VSNL1: variants seen among roughly 807,000 people sequenced by gnomAD.
VSNL1 encodes visinin-like protein 1.
A neutral mutation model predicts 20.4 loss-of-function variants in VSNL1; 6 were observed. The ratio of observed to expected loss-of-function variants is 0.29; its 90% CI spans 0.16 to 0.58. The LOEUF (loss-of-function observed/expected upper bound fraction) is 0.58. Ranked by LOEUF, VSNL1 falls within the 20% of genes least tolerant of loss-of-function variation. The pLI is 0.90. For synonymous variants in VSNL1, 93 were observed against 86.4 expected, an observed-to-expected ratio of 1.08 and a Z score of -0.42; for missense variants, 100 against 234.5, an observed-to-expected ratio of 0.43 and a Z score of 3.75.
At chr2:17,645,685 C>T (rs1417671467) in intron 2 of VSNL1, among the ~76,000 whole-genome samples, 1 of 152,108 alleles carries the variant, frequency 6.6e-6, no homozygotes, top group South Asian at 2.1e-4. Context: ...AGAGTGGGGC[C>T]CACTGTCTGT....
chr2:17,570,376 A>G (rs1027542035), intron 1 of VSNL1, among the ~76,000 whole-genome samples: 4 of 152,226 alleles, frequency 2.6e-5, no homozygotes, highest in African/African-American at 4.8e-5. Flanking sequence ...GTGTGCTCCA[A>G]GAAACTTATA....
intron 2 of VSNL1, among the ~76,000 whole-genome samples, chr2:17,596,966 C>T (rs1254215498): frequency 6.6e-6 from 1 of 152,238 alleles, no homozygotes; most frequent in African/African-American, 2.4e-5. Context: ...ACGATCCTCT[C>T]ATTTACACTT....
At chr2:17,541,853 G>A (rs1440319513) in intron 1 of VSNL1, among the ~76,000 whole-genome samples, 1 of 152,212 alleles carries the variant, frequency 6.6e-6, no homozygotes. Context: ...TACGTGGAAG[G>A]AGCGAGGAGA....
At chr2:17,609,922 T>C (rs774378119) in intron 2 of VSNL1, among the ~76,000 whole-genome samples, 7 of 152,338 alleles carry the variant, frequency 4.6e-5, no homozygotes, top group Non-Finnish European at 8.8e-5. Context: ...TCCCCAGCCT[T>C]TATCCCCACA....
chr2:17,585,382 T>TAA (rs35397738), intron 1 of VSNL1, among the ~76,000 whole-genome samples: 173 of 141,836 alleles, frequency 1.2e-3, no homozygotes, highest in African/African-American at 1.6e-3. Flanking sequence ...GCCTTCATTA[T>TAA]AAAAAAAAAA....
chr2:17,632,280 T>G (rs550456075), intron 2 of VSNL1, among the ~76,000 whole-genome samples: 42 of 152,214 alleles, frequency 2.8e-4, no homozygotes, highest in Middle Eastern at 3.4e-3. Context: ...GTCATTGTTT[T>G]TTTTTGTTTT....
In VSNL1 at chr2:17,584,214, C is replaced by T. The variant is rs529937806; in HGVS notation, c.-5-7856C>T. ...TAAGTCCAGATGAAAATAAAAGAGA[C>T]ATCAGAACCTGACAAAAAGAAGGAA... On this transcript the variant is annotated intron_variant, in intron 1 of 3. Coordinates refer to ENST00000295156, the MANE Select transcript of VSNL1 (RefSeq NM_003385.5). Among the ~76,000 whole-genome samples, 14 of 151,480 alleles carry T rather than the reference C, an allele frequency of 9.2e-5. No homozygotes were observed. In the East Asian group the frequency reaches 1.2e-3, roughly 13 times the overall value.
chr2:17,645,124 A>G (rs1428640980), intron 2 of VSNL1, among the ~76,000 whole-genome samples: 1 of 152,260 alleles, frequency 6.6e-6, no homozygotes, highest in African/African-American at 2.4e-5. Context: ...CAGCAGACTA[A>G]TGGGCAGAAA....
intron 2 of VSNL1, among the ~76,000 whole-genome samples, chr2:17,638,325 A>G (rs908387215): frequency 6.6e-6 from 1 of 152,262 alleles, no homozygotes; most frequent in Non-Finnish European, 1.5e-5. Context: ...ATGTGCTTAC[A>G]TAGTGCCTGA....
chr2:17,649,353 T>C lies in VSNL1; in HGVS notation c.163-57T>C, dbSNP rs1008588873. ...GTGATGCCGTCATTAGGAACCTACC[T>C]CGTCGCCCCGATTCCATCCCCTCCC... On this transcript the variant is annotated intron_variant, in intron 2 of 3. Coordinates refer to ENST00000295156, the MANE Select transcript of VSNL1 (RefSeq NM_003385.5). The surrounding 1 kb of genome is among the most constrained non-coding windows in gnomAD (Gnocchi z 6.4). 1.9e-6 allele frequency: 3 copies of C among 1,553,714 alleles called. No individual in the cohort carries two copies. The highest frequency in any genetic ancestry group is 1.8e-6 in the Non-Finnish European group (2 of 1,125,910).
chr2:17,589,804 G>A (rs892472101), intron 1 of VSNL1, among the ~76,000 whole-genome samples: 4 of 152,212 alleles, frequency 2.6e-5, no homozygotes, highest in Non-Finnish European at 2.9e-5. Context: ...CTTGGGGGAG[G>A]TGGTTTTTAA....
intron 2 of VSNL1, among the ~76,000 whole-genome samples, chr2:17,603,394 C>A (rs923289985): frequency 6.6e-6 from 1 of 152,198 alleles, no homozygotes; most frequent in Non-Finnish European, 1.5e-5. Flanking sequence ...TATAAGGGCA[C>A]TAATCCCATT....
intron 2 of VSNL1, among the ~76,000 whole-genome samples, chr2:17,608,668 G>GTCT (rs1474599433): frequency 6.6e-6 from 1 of 152,174 alleles, no homozygotes; most frequent in Admixed American, 6.5e-5. Flanking sequence ...CAATACAAAA[G>GTCT]TCTTCATGGC....
At chr2:17,542,534 A>C (rs1663309300) in intron 1 of VSNL1, among the ~76,000 whole-genome samples, 1 of 152,240 alleles carries the variant, frequency 6.6e-6, no homozygotes, top group Non-Finnish European at 1.5e-5. Flanking sequence ...TAATTTATTT[A>C]AATGGATGAA....
At chr2:17,591,587 T>A (rs540089013) in intron 1 of VSNL1, among the ~76,000 whole-genome samples, 2 of 152,274 alleles carry the variant, frequency 1.3e-5, no homozygotes, top group South Asian at 4.1e-4. Flanking sequence ...CTGAGACTCC[T>A]TAATATTGCT....
intron 2 of VSNL1, among the ~76,000 whole-genome samples, chr2:17,610,799 C>T (rs774536996): frequency 1.3e-5 from 2 of 152,184 alleles, no homozygotes; most frequent in Non-Finnish European, 2.9e-5. Flanking sequence ...AGGGAACCTT[C>T]CTCTGAACTC....
chr2:17,572,263 TTTC>T (rs1035797101), intron 1 of VSNL1, among the ~76,000 whole-genome samples: 21 of 152,318 alleles, frequency 1.4e-4, no homozygotes, highest in Admixed American at 7.2e-4. Context: ...AGCAAGTGGA[TTTC>T]TTCTTCTTCC....
intron 1 of VSNL1, among the ~76,000 whole-genome samples, chr2:17,588,684 T>G (rs1452924273): frequency 6.6e-6 from 1 of 152,196 alleles, no homozygotes; most frequent in Non-Finnish European, 1.5e-5. Flanking sequence ...ATAAAAGACA[T>G]GGGTCCCACC....
chr2:17,648,689 A>AT (rs1291221631), intron 2 of VSNL1, among the ~76,000 whole-genome samples: 2 of 152,128 alleles, frequency 1.3e-5, no homozygotes, highest in African/African-American at 4.8e-5. Context: ...CCACCTACTG[A>AT]TTCCCCATGG....
Sources: gnomAD v4.1 joint callset for allele counts (sites outside exome capture counted in the v4.1 genomes callset) on GRCh38, gnomAD v4.1.1 for gene constraint, Gnocchi (gnomAD v3.1) non-coding constraint, MANE v1.5 for transcripts, NCBI Gene and HGNC (gene_info 2026-07-23, HGNC 2026-07-21) for gene names.